Variants in VPS54 observed in about 807,000 individuals in gnomAD.
VPS54 encodes VPS54 subunit of GARP complex.
VPS54 carries 45 observed loss-of-function variants against 121.5 expected under a neutral mutation model. The observed-to-expected ratio is 0.37, with a 90% CI of 0.29 to 0.47. VPS54 has a LOEUF of 0.47. VPS54 is among the 20% of genes least tolerant of loss of function. The pLI is 0.99. For missense variants in VPS54, 1,090 were observed against 1,131.4 expected, an observed-to-expected ratio of 0.96 and a Z score of 0.52; for synonymous variants, 371 against 385.8, an observed-to-expected ratio of 0.96 and a Z score of 0.45.
intron 3 of VPS54, among the ~76,000 whole-genome samples, chr2:63,979,469 G>C (rs543234886): frequency 6.6e-6 from 1 of 151,940 alleles, no homozygotes; most frequent in Non-Finnish European, 1.5e-5. Context: ...TTGAACTCCT[G>C]ACCTCAGGTG....
chr2:64,012,455 TA>T (rs11316408), intron 1 of VPS54, among the ~76,000 whole-genome samples: 78,247 of 111,590 alleles, frequency 0.7, 26,985 homozygotes, highest in African/African-American at 0.8. Flanking sequence ...AGTAACTGTT[TA>T]AAAAAAAAAA....
chr2:63,949,652 T>C lies in VPS54; in HGVS notation c.1011-489A>G, dbSNP rs573722715. ...GATCATCATAAAAGTTATCTTCACA[T>C]TGAGTAGGCTGAGGAGGAGGAGGGA... On this transcript the variant is annotated intron_variant, in intron 7 of 22. Transcript: ENST00000272322. Among the ~76,000 whole-genome samples, 23 of 141,316 alleles carry C rather than the reference T, an allele frequency of 1.6e-4. No individual in the cohort carries two copies. The South Asian group carries it at 2.4e-3, about 15-fold the overall frequency. The allele number at this position is 141,316 out of a possible 152,430, so 92.7% of individuals were successfully genotyped here. A position where few individuals can be genotyped will look rare whatever the true frequency, so the allele number is the denominator to read the frequency against.
At chr2:64,001,971 C>T (rs777836523) in intron 1 of VPS54, among the ~76,000 whole-genome samples, 2 of 152,116 alleles carry the variant, frequency 1.3e-5, no homozygotes, top group Non-Finnish European at 2.9e-5. Context: ...TATTTAGGAC[C>T]CCGGCACACC....
chr2:64,013,590 A>G lies in VPS54; in HGVS notation c.-21+5348T>C, dbSNP rs562753593. ...TATATCAGCATTTATATATAAATATATATCAATATATATCATATGATATAT... is the reference window on the plus strand; with the variant it reads ...TATATCAGCATTTATATATAAATATGTATCAATATATATCATATGATATAT... On this transcript the variant is annotated intron_variant, in intron 1 of 22. Transcript: ENST00000272322. Among the ~76,000 whole-genome samples, 26 of 146,416 alleles carry G rather than the reference A, an allele frequency of 1.8e-4. No individual in the cohort carries two copies. The East Asian group carries it at 3.5e-3, about 20-fold the overall frequency.
At chr2:63,898,347 AAGAAGAAATT>A (rs1672530186) in intron 21 of VPS54, among the ~76,000 whole-genome samples, 1 of 152,200 alleles carries the variant, frequency 6.6e-6, no homozygotes, top group South Asian at 2.1e-4. Context: ...TGGCTTGGCT[AAGAAGAAATT>A]AGAAGGAAAA....
chr2:63,894,531 G>A (rs1255031996), intron 22 of VPS54, among the ~76,000 whole-genome samples: 1 of 151,712 alleles, frequency 6.6e-6, no homozygotes, highest in African/African-American at 2.4e-5. Flanking sequence ...GTGAGACCTC[G>A]TCTCTACAAA....
At chr2:63,903,125 C>T (rs953534538) in intron 20 of VPS54, among the ~76,000 whole-genome samples, 9 of 152,060 alleles carry the variant, frequency 5.9e-5, no homozygotes, top group Non-Finnish European at 1.3e-4. Context: ...CCAAGAAGTG[C>T]AGAAGAAACT....
chr2:63,976,689 T>C (rs2104599956), intron 3 of VPS54, among the ~76,000 whole-genome samples: 1 of 152,240 alleles, frequency 6.6e-6, no homozygotes, highest in Non-Finnish European at 1.5e-5. Context: ...CAAAATAAAT[T>C]GGTCCATTTC....
chr2:63,913,008 G>A (rs1673219925), intron 18 of VPS54, among the ~76,000 whole-genome samples: 1 of 152,074 alleles, frequency 6.6e-6, no homozygotes, highest in Non-Finnish European at 1.5e-5. Context: ...TAACTTCCAA[G>A]TAACTTATAC....
chr2:63,951,892 G>A (rs1049845862), intron 7 of VPS54, among the ~76,000 whole-genome samples: 7 of 152,094 alleles, frequency 4.6e-5, no homozygotes, highest in Non-Finnish European at 8.8e-5. Flanking sequence ...AAATAAATGT[G>A]TTCTAGAAAA....
intron 12 of VPS54, among the ~76,000 whole-genome samples, chr2:63,922,943 AAAAG>A (rs1320245192): frequency 6.6e-6 from 1 of 152,224 alleles, no homozygotes; most frequent in Non-Finnish European, 1.5e-5. Context: ...TAAAAAAAAA[AAAAG>A]AGTGAATTAA....
intron 1 of VPS54, among the ~76,000 whole-genome samples, chr2:64,017,825 T>C (rs1396252918): frequency 6.6e-6 from 1 of 152,226 alleles, no homozygotes; most frequent in Non-Finnish European, 1.5e-5. Flanking sequence ...AACTATCAAT[T>C]ACAGCTACTG....
intron 7 of VPS54, among the ~76,000 whole-genome samples, chr2:63,950,477 C>T (rs1225827303): frequency 2.0e-5 from 3 of 152,194 alleles, no homozygotes; most frequent in South Asian, 4.2e-4. Flanking sequence ...TTGTTCAACA[C>T]CAAAAGTACT....
chr2:63,920,734 A>G (rs1320211555), intron 13 of VPS54, 107 bp from the exon 14 acceptor site: 1 of 600,396 alleles, frequency 1.7e-6, no homozygotes, highest in East Asian at 4.2e-5. Flanking sequence ...TATTTTAATA[A>G]TATTTCCCAA....
rs540874003 is a variant in VPS54, at chr2:64,018,383, G to C, written c.-21+555C>G. ...AAGTCAACGACGGGAGAGCAGAAACGGCAGAGAGGGCCTGCCCTTTCTGTC... is the reference window on the plus strand; with the variant it reads ...AAGTCAACGACGGGAGAGCAGAAACCGCAGAGAGGGCCTGCCCTTTCTGTC... On this transcript the variant is annotated intron_variant, in intron 1 of 22. Transcript: ENST00000272322. Among the ~76,000 whole-genome samples the C allele has an allele frequency of 2.1e-3, 327 of 152,242 alleles. 3 individuals are homozygous for C. The highest frequency in any genetic ancestry group is 3.9e-3 in the Non-Finnish European group (266 of 68,010).
At chr2:63,963,498 T>A (rs1051975710) in intron 6 of VPS54, among the ~76,000 whole-genome samples, 2 of 152,122 alleles carry the variant, frequency 1.3e-5, no homozygotes, top group African/African-American at 4.8e-5. Context: ...GGATAATTCA[T>A]AGTTTCAAAG....
chr2:63,965,786 C>T (rs774279381), intron 6 of VPS54, 49 bp downstream of exon 6: 9 of 1,595,078 alleles, frequency 5.6e-6, no homozygotes, highest in African/African-American at 5.4e-5. Flanking sequence ...CAAACAGTAC[C>T]GCTTAACTAG....
intron 1 of VPS54, among the ~76,000 whole-genome samples, chr2:64,003,856 C>G (rs1309273871): frequency 6.6e-6 from 1 of 152,184 alleles, no homozygotes; most frequent in East Asian, 1.9e-4. Context: ...AACCACCAGC[C>G]AGAACCCCAC....
chr2:63,971,487 T>C (rs1282001750), intron 4 of VPS54, among the ~76,000 whole-genome samples: 1 of 152,238 alleles, frequency 6.6e-6, no homozygotes, highest in African/African-American at 2.4e-5. Context: ...AGAACCAATA[T>C]ATTAAACTCT....
Sources: allele counts gnomAD v4.1 joint callset (sites outside exome capture counted in the v4.1 genomes callset), GRCh38; gene constraint gnomAD v4.1.1; transcripts MANE v1.5; gene names NCBI Gene and HGNC (gene_info 2026-07-23, HGNC 2026-07-21).